The following CFAP299 variants were observed in gnomAD, a reference collection of about 807,000 sequenced individuals.
CFAP299 encodes cilia- and flagella-associated protein 299.
In CFAP299, 21 loss-of-function variants were observed where a neutral mutation model predicts 27.0. That is an observed-to-expected ratio of 0.78 (90% CI 0.55 to 1.12). CFAP299 has a LOEUF of 1.12. CFAP299 is among the 50% of genes most tolerant of loss of function. CFAP299 has a pLI of 0.00. For missense variants in CFAP299, 310 were observed against 276.6 expected (o/e 1.12, Z -0.86); for synonymous variants, 104 against 98.1 (o/e 1.06, Z -0.36).
At chr4:80,666,970 T>C (rs1003988485) in intron 3 of CFAP299, among the ~76,000 whole-genome samples, 9 of 152,222 alleles carry the variant, frequency 5.9e-5, no homozygotes, top group Non-Finnish European at 1.2e-4. Flanking sequence ...CCAAACTTGA[T>C]GCTTTTGTTC....
chr4:80,681,205 A>G (rs1719815720), intron 3 of CFAP299, among the ~76,000 whole-genome samples: 1 of 152,166 alleles, frequency 6.6e-6, no homozygotes, highest in Admixed American at 6.6e-5. Context: ...GTTTTGAAAA[A>G]TAGCCCCTCT....
intron 4 of CFAP299, among the ~76,000 whole-genome samples, chr4:80,934,792 A>G (rs1178753464): frequency 3.3e-5 from 5 of 151,832 alleles, no homozygotes; most frequent in African/African-American, 1.2e-4. Context: ...AAATTAGTCT[A>G]CTTAAGGTAT....
At chr4:80,507,201 A>G (rs1732078076) in intron 2 of CFAP299, among the ~76,000 whole-genome samples, 1 of 152,044 alleles carries the variant, frequency 6.6e-6, no homozygotes, top group Non-Finnish European at 1.5e-5. Flanking sequence ...GTGGTTGGGA[A>G]AGGGAGCTGT....
At chr4:80,715,918 C>A (rs933914842) in intron 3 of CFAP299, among the ~76,000 whole-genome samples, 1 of 151,966 alleles carries the variant, frequency 6.6e-6, no homozygotes. Flanking sequence ...TTCTTGAATT[C>A]GCCTTCATTT....
intron 2 of CFAP299, among the ~76,000 whole-genome samples, chr4:80,410,878 A>G (rs567918998): frequency 2.6e-4 from 39 of 152,220 alleles, no homozygotes; most frequent in African/African-American, 8.7e-4. Context: ...GAAGTTGTAC[A>G]TATTTAGAAA....
chr4:80,884,936 A>G (rs1578211594), intron 4 of CFAP299, among the ~76,000 whole-genome samples: 1 of 152,216 alleles, frequency 6.6e-6, no homozygotes, highest in East Asian at 1.9e-4. Flanking sequence ...TTAATTTCTT[A>G]TCGCTAAAAG....
intron 2 of CFAP299, among the ~76,000 whole-genome samples, chr4:80,378,990 A>G (rs990308668): frequency 1.2e-4 from 18 of 151,806 alleles, no homozygotes; most frequent in African/African-American, 3.9e-4. Flanking sequence ...TTGCTCTTCT[A>G]CTTTTTGGTA....
At chr4:80,917,541 T>C (rs994398626) in intron 4 of CFAP299, among the ~76,000 whole-genome samples, 1 of 152,060 alleles carries the variant, frequency 6.6e-6, no homozygotes, top group Admixed American at 6.6e-5. Context: ...ACATAAAATG[T>C]TGTGTTTGAG....
intron 2 of CFAP299, among the ~76,000 whole-genome samples, chr4:80,519,577 A>G (rs1224338908): frequency 1.3e-5 from 2 of 152,198 alleles, no homozygotes; most frequent in African/African-American, 4.8e-5. Flanking sequence ...ATGTGTTTGA[A>G]TTAAAACTCA....
intron 3 of CFAP299, among the ~76,000 whole-genome samples, chr4:80,728,619 C>T (rs926573748): frequency 6.6e-5 from 10 of 152,170 alleles, no homozygotes; most frequent in Admixed American, 2.0e-4. Context: ...TCCTTCCACA[C>T]GCTTTATGTG....
chr4:80,773,892 A>G (rs2110085757), intron 3 of CFAP299, among the ~76,000 whole-genome samples: 1 of 152,146 alleles, frequency 6.6e-6, no homozygotes, highest in Non-Finnish European at 1.5e-5. Context: ...GAGTTACTAA[A>G]GTTACTTAAG....
Position 80,387,756 on chromosome 4 carries a change from G to A in CFAP299, c.242+24872G>A, listed in dbSNP as rs564067716. 114 of 1,588,236 alleles carry A rather than the reference G, an allele frequency of 7.2e-5. No individual in the cohort carries two copies. The Admixed American group carries it at 9.5e-4, about 13-fold the overall frequency. On this transcript the variant is annotated intron_variant, in intron 2 of 5. Coordinates refer to ENST00000358105, the MANE Select transcript of CFAP299 (RefSeq NM_152770.3). The stretch of plus-strand genomic sequence containing the variant: ...GGCTTCAGATGTGCTGCTGCAGGTC[G>A]AAGTTTTTGGTGAATGACTTGTCAC...
chr4:80,573,002 G>GGTTC, intron 2 of CFAP299, among the ~76,000 whole-genome samples: 1 of 152,178 alleles, frequency 6.6e-6, no homozygotes, highest in Admixed American at 6.5e-5. Flanking sequence ...TGGGATTGCT[G>GGTTC]GTTCACATGA....
intron 3 of CFAP299, among the ~76,000 whole-genome samples, chr4:80,588,692 T>C (rs901134528): frequency 3.3e-5 from 5 of 151,880 alleles, no homozygotes; most frequent in African/African-American, 1.2e-4. Context: ...TGCTGTGTTT[T>C]TTGAACTGAC....
At chr4:80,789,755 G>T (rs182824841) in intron 3 of CFAP299, among the ~76,000 whole-genome samples, 27 of 152,018 alleles carry the variant, frequency 1.8e-4, no homozygotes, top group Admixed American at 1.7e-3. Context: ...ACCCTTGACC[G>T]CAATTCCAGT....
intron 3 of CFAP299, among the ~76,000 whole-genome samples, chr4:80,692,819 G>C (rs926447150): frequency 1.4e-4 from 21 of 152,088 alleles, no homozygotes; most frequent in African/African-American, 5.1e-4. Flanking sequence ...CTGATATCCA[G>C]AATCTATAAT....
rs368210755 is a variant in CFAP299 at position 80,935,047 on chromosome 4, G to T, written c.477-9763G>T. On this transcript the variant is annotated intron_variant, in intron 4 of 5. Transcript: ENST00000358105. ...CTTAAAAGTGCTTTTTCTGAATCTC[G>T]TAAGTTTTGGTATAGCATGTTTCCA... 1.1e-3 allele frequency among the ~76,000 whole-genome samples: 166 copies of T among 151,788 alleles called. 1 individual carries two copies. The highest frequency in any genetic ancestry group is 3.7e-3 in the African/African-American group (155 of 41,438).
At chr4:80,594,308 T>C (rs1489719951) in intron 3 of CFAP299, among the ~76,000 whole-genome samples, 2 of 152,120 alleles carry the variant, frequency 1.3e-5, no homozygotes, top group South Asian at 2.1e-4. Flanking sequence ...CAAACACTTA[T>C]AAAACCATCA....
chr4:80,688,379 AC>A (rs953659061), intron 3 of CFAP299, among the ~76,000 whole-genome samples: 8 of 148,344 alleles, frequency 5.4e-5, no homozygotes, highest in South Asian at 2.2e-4. Flanking sequence ...TGGGTCCCTG[AC>A]CCCTGACCCA....
Sources: allele counts gnomAD v4.1 joint callset (sites outside exome capture counted in the v4.1 genomes callset), GRCh38; gene constraint gnomAD v4.1.1; transcripts MANE v1.5; gene names NCBI Gene and HGNC (gene_info 2026-07-23, HGNC 2026-07-21).